IKZF2: variants seen among roughly 807,000 people sequenced by gnomAD.
The protein encoded by IKZF2 is zinc finger protein Helios.
In IKZF2, 15 loss-of-function variants were observed where a neutral mutation model predicts 49.2. That is an observed-to-expected ratio of 0.30 (90% CI 0.20 to 0.47). The LOEUF (loss-of-function observed/expected upper bound fraction) is 0.47, where lower values mean the gene tolerates loss of function less well. Ranked by LOEUF, IKZF2 falls within the 20% of genes least tolerant of loss-of-function variation. IKZF2 has a pLI of 1.00. For synonymous variants in IKZF2, 227 were observed against 221.4 expected, an observed-to-expected ratio of 1.03 and a Z score of -0.23; for missense variants, 567 against 664.6, an observed-to-expected ratio of 0.85 and a Z score of 1.61.
chr2:213,144,871 T>A (rs2060993565), intron 4 of IKZF2, among the ~76,000 whole-genome samples: 3 of 151,992 alleles, frequency 2.0e-5, no homozygotes, highest in Admixed American at 1.3e-4. Context: ...CTTCTTAAGT[T>A]TATCTTAGAT....
At chr2:213,056,654 A>G (rs1047103155) in intron 5 of IKZF2, 179 bp downstream of exon 5, 43 of 751,762 alleles carry the variant, frequency 5.7e-5, no homozygotes, top group Non-Finnish European at 9.5e-5. Context: ...TCAGATTTGA[A>G]GGCTGGAAGT....
chr2:213,035,395 T>G (rs540762455), intron 6 of IKZF2, among the ~76,000 whole-genome samples: 20 of 151,980 alleles, frequency 1.3e-4, no homozygotes, highest in Admixed American at 3.3e-4. Context: ...TACATTCGAG[T>G]GAGGTGGGAT....
chr2:213,078,212 C>T, intron 4 of IKZF2, among the ~76,000 whole-genome samples: 1 of 152,132 alleles, frequency 6.6e-6, no homozygotes, highest in Non-Finnish European at 1.5e-5. Flanking sequence ...GCTAAGAAAA[C>T]TTAAAAATGT....
At chr2:213,122,576 CATA>C (rs2060094719) in intron 4 of IKZF2, among the ~76,000 whole-genome samples, 2 of 152,210 alleles carry the variant, frequency 1.3e-5, no homozygotes, top group Non-Finnish European at 2.9e-5. Flanking sequence ...CTAAGAATTT[CATA>C]ATGTCTCTTG....
intron 4 of IKZF2, among the ~76,000 whole-genome samples, chr2:213,069,239 C>T (rs1389112639): frequency 1.3e-5 from 2 of 152,070 alleles, no homozygotes; most frequent in East Asian, 1.9e-4. Context: ...ATACCAGCTA[C>T]CTTGATCCCT....
Position 213,002,644 on chromosome 2 carries a change from T to C in IKZF2, c.*4716A>G, listed in dbSNP as rs1461798251. The C allele has an allele frequency of 1.3e-5, 2 of 151,928 alleles. No individual in the cohort carries two copies. The highest frequency in any genetic ancestry group is 3.0e-5 in the Non-Finnish European group (2 of 67,550). 9.4% of individuals were successfully genotyped at this position (151,928 alleles called of 1,614,324 possible). ...GATATGAAACCATTTGAGATTATGC[T>C]TTGGAGAATAGCAATGTGATATGAC... On this transcript the variant is annotated 3_prime_UTR_variant, in exon 9 of 9. Transcript: ENST00000434687.
At chr2:213,140,400 C>CA (rs1162496438) in intron 4 of IKZF2, among the ~76,000 whole-genome samples, 2 of 151,758 alleles carry the variant, frequency 1.3e-5, no homozygotes, top group Non-Finnish European at 2.9e-5. Context: ...ATATTTATCT[C>CA]AAAGTCTTCA....
intron 3 of IKZF2, among the ~76,000 whole-genome samples, chr2:213,148,348 T>C (rs563089589): frequency 1.3e-5 from 2 of 152,314 alleles, no homozygotes; most frequent in East Asian, 1.9e-4. Context: ...TTATAAAAAG[T>C]AGGAAAGTGT....
intron 6 of IKZF2, among the ~76,000 whole-genome samples, chr2:213,030,985 C>A (rs1698368412): frequency 6.6e-6 from 1 of 152,044 alleles, no homozygotes; most frequent in Admixed American, 6.6e-5. Context: ...GCCACCACGT[C>A]TGGCTAATTT....
At chr2:213,025,018 CG>C (rs1697668391) in intron 6 of IKZF2, among the ~76,000 whole-genome samples, 1 of 151,972 alleles carries the variant, frequency 6.6e-6, no homozygotes, top group Admixed American at 6.6e-5. Flanking sequence ...CCAACTGAAG[CG>C]GACTTTTTCT....
At chr2:213,109,337 T>C (rs2059629125) in intron 4 of IKZF2, among the ~76,000 whole-genome samples, 1 of 152,070 alleles carries the variant, frequency 6.6e-6, no homozygotes, top group African/African-American at 2.4e-5. Context: ...GTGCATATTG[T>C]CTTGTTAATA....
chr2:213,145,855 T>C (rs1248055144), intron 4 of IKZF2, among the ~76,000 whole-genome samples: 1 of 152,082 alleles, frequency 6.6e-6, no homozygotes, highest in African/African-American at 2.4e-5. Flanking sequence ...AAAAACTCTC[T>C]ACCAAACATA....
intron 7 of IKZF2, 100 bp downstream of exon 7, chr2:213,021,893 G>T: frequency 7.9e-7 from 1 of 1,263,494 alleles, no homozygotes; most frequent in Non-Finnish European, 1.1e-6. Context: ...TTAAGTTAAA[G>T]TGATCTAAAA....
chr2:213,129,067 G>T (rs1442697699), intron 4 of IKZF2, among the ~76,000 whole-genome samples: 5 of 151,816 alleles, frequency 3.3e-5, no homozygotes, highest in African/African-American at 1.2e-4. Flanking sequence ...AAAACACTTT[G>T]TTTGCTTTAT....
intron 1 of IKZF2, among the ~76,000 whole-genome samples, chr2:213,150,919 T>TG (rs2061264041): frequency 6.6e-6 from 1 of 151,696 alleles, no homozygotes; most frequent in African/African-American, 2.4e-5. Context: ...TTTTTTTTTT[T>TG]AATTCCAACA....
chr2:213,019,866 C>T (rs1452275813), intron 7 of IKZF2, among the ~76,000 whole-genome samples: 1 of 152,134 alleles, frequency 6.6e-6, no homozygotes, highest in African/African-American at 2.4e-5. Flanking sequence ...ATCTTTGCTT[C>T]TCTCAAAATA....
chr2:213,022,521 C>T (rs759092150), intron 6 of IKZF2, among the ~76,000 whole-genome samples: 38 of 150,942 alleles, frequency 2.5e-4, no homozygotes, highest in Non-Finnish European at 5.5e-4. Flanking sequence ...GTTTTCTTTT[C>T]GGGTAAGGGC....
chr2:213,068,885 A>G (rs937855815), intron 4 of IKZF2, among the ~76,000 whole-genome samples: 2 of 149,254 alleles, frequency 1.3e-5, no homozygotes, highest in Non-Finnish European at 3.0e-5. Flanking sequence ...CTTCAGTTGA[A>G]TGTTGGCTAG....
At chr2:213,054,426 G>C (rs572773249) in intron 5 of IKZF2, among the ~76,000 whole-genome samples, 2 of 152,238 alleles carry the variant, frequency 1.3e-5, no homozygotes, top group Non-Finnish European at 1.5e-5. Flanking sequence ...CTAATGACTA[G>C]ATTCTGACTA....
Sources: gnomAD v4.1 joint callset for allele counts (sites outside exome capture counted in the v4.1 genomes callset) on GRCh38, gnomAD v4.1.1 for gene constraint, MANE v1.5 for transcripts, NCBI Gene and HGNC (gene_info 2026-07-23, HGNC 2026-07-21) for gene names.